Variants in MACROH2A1 observed in about 807,000 individuals in gnomAD.
The protein encoded by MACROH2A1 is core histone macro-H2A.1.
In MACROH2A1, 2 loss-of-function variants were observed where a neutral mutation model predicts 31.6. The observed-to-expected ratio is 0.06, with a 90% CI of 0.03 to 0.20. The LOEUF (loss-of-function observed/expected upper bound fraction) is 0.20, where lower values mean the gene tolerates loss of function less well. MACROH2A1 is among the 10% of genes least tolerant of loss of function. The pLI, the probability that MACROH2A1 is intolerant of heterozygous loss-of-function variation, is 1.00. For synonymous variants in MACROH2A1, 169 were observed against 189.6 expected (o/e 0.89, Z 0.89); for missense variants, 230 against 474.0 (o/e 0.49, Z 4.78).
Position 135,342,554 on chromosome 5 carries a change from G to A in MACROH2A1, c.953+706C>T, listed in dbSNP as rs112936093. On this transcript the variant is annotated intron_variant, in intron 8 of 8. Coordinates refer to ENST00000511689, the MANE Select transcript of MACROH2A1 (RefSeq NM_138610.3). ...GCTGTCGAAAAACTAGACTTCTCCT[G>A]TGGTGGTCCTCCGGGTATGTGTATG... Among the ~76,000 whole-genome samples the A allele has an allele frequency of 3.4e-3, 522 of 152,332 alleles. 3 individuals carry two copies. Among genetic ancestry groups the A allele is most frequent in the African/African-American group, 0.011 (477 of 41,568 alleles).
chr5:135,343,123 CCT>C (rs1445795786), intron 8 of MACROH2A1, 135 bp downstream of exon 8: 3 of 1,569,684 alleles, frequency 1.9e-6, no homozygotes, highest in Non-Finnish European at 2.6e-6. Context: ...TGCATTCTTC[CCT>C]GTGTTGTGCT....
At chr5:135,374,035 G>A (rs1449654022) in intron 2 of MACROH2A1, among the ~76,000 whole-genome samples, 1 of 152,134 alleles carries the variant, frequency 6.6e-6, no homozygotes, top group Non-Finnish European at 1.5e-5. Flanking sequence ...CCCCTCTCCT[G>A]TGCTGCAGCA....
chr5:135,347,332 C>T (rs1398725542), intron 6 of MACROH2A1: 1 of 152,268 alleles, frequency 6.6e-6, no homozygotes, highest in Non-Finnish European at 1.5e-5. Context: ...ATGGCTAGGA[C>T]TGGGCCTGTA....
intron 8 of MACROH2A1, chr5:135,338,156 G>A (rs537755078): frequency 2.2e-5 from 6 of 276,640 alleles, no homozygotes; most frequent in South Asian, 9.7e-5. Context: ...CAGAGGCAGC[G>A]GTGGCACATG....
chr5:135,359,073 C>T, intron 5 of MACROH2A1: 1 of 985,374 alleles, frequency 1.0e-6, no homozygotes, highest in Non-Finnish European at 1.2e-6. Context: ...TTTGCTGCTA[C>T]TTTGGAAATA....
intron 2 of MACROH2A1, among the ~76,000 whole-genome samples, chr5:135,370,480 T>C (rs1421837301): frequency 6.6e-6 from 1 of 152,234 alleles, no homozygotes; most frequent in East Asian, 1.9e-4. Flanking sequence ...CAGTTAGCAC[T>C]GCAGATGTCA....
rs577925630 is a variant in MACROH2A1, at chr5:135,359,913, C to T, written c.588+584G>A. On this transcript the variant is annotated intron_variant, in intron 5 of 8. Coordinates refer to ENST00000511689, the MANE Select transcript of MACROH2A1 (RefSeq NM_138610.3). ...TGAATTGTCTTTTACAAAACCATGGCGTCCTGGCAAAGTTGCATCACTGGG... is the reference window on the plus strand; with the variant it reads ...TGAATTGTCTTTTACAAAACCATGGTGTCCTGGCAAAGTTGCATCACTGGG... 2.3e-4 allele frequency: 230 copies of T among 985,142 alleles called. No individual in the cohort carries two copies. The Admixed American group carries it at 2.8e-3, about 12-fold the overall frequency. The allele number at this position is 985,142 out of a possible 1,614,324, so 61.0% of individuals were successfully genotyped here. A position where few individuals can be genotyped will look rare whatever the true frequency, so the allele number is the denominator to read the frequency against.
At chr5:135,384,846 G>A (rs1379277979) in intron 2 of MACROH2A1, among the ~76,000 whole-genome samples, 1 of 152,198 alleles carries the variant, frequency 6.6e-6, no homozygotes, top group Non-Finnish European at 1.5e-5. Flanking sequence ...GCATGGAGAT[G>A]TGAGTGACTT....
At chr5:135,395,676 G>T (rs780966644) in intron 1 of MACROH2A1, among the ~76,000 whole-genome samples, 7 of 152,218 alleles carry the variant, frequency 4.6e-5, no homozygotes, top group African/African-American at 7.2e-5. Context: ...CCAGAGGCAT[G>T]TGGATATACT....
intron 7 of MACROH2A1, chr5:135,343,756 A>G: frequency 2.9e-6 from 1 of 345,352 alleles, no homozygotes; most frequent in East Asian, 5.9e-5. Context: ...ACTGAACGCA[A>G]ACTCAACGTG....
At chr5:135,389,752 G>A (rs1012258110) in intron 1 of MACROH2A1, among the ~76,000 whole-genome samples, 5 of 152,138 alleles carry the variant, frequency 3.3e-5, no homozygotes, top group African/African-American at 1.2e-4. Context: ...CAGTCCAGAG[G>A]AAAACCCTCC....
intron 2 of MACROH2A1, among the ~76,000 whole-genome samples, chr5:135,388,691 A>G (rs900350255): frequency 5.9e-5 from 9 of 152,246 alleles, no homozygotes; most frequent in Admixed American, 2.0e-4. Context: ...AAATACAGAA[A>G]TATCTACACA....
intron 5 of MACROH2A1, chr5:135,358,314 G>T (rs1260315405): frequency 2.4e-5 from 24 of 985,254 alleles, no homozygotes; most frequent in Non-Finnish European, 2.9e-5. Flanking sequence ...TAACACTGGT[G>T]CTTAGGCTGA....
Position 135,399,189 on chromosome 5 carries a change from C to G in MACROH2A1, c.-161G>C, listed in dbSNP as rs1050260652. ...CTCTTCGCTTCCCGCCCGCGCGGCC[C>G]GCGCTCTCCCCCTCCGCCCGGCGCC... On this transcript the variant is annotated 5_prime_UTR_variant, in exon 1 of 9. Transcript: ENST00000511689. The surrounding 1 kb of genome is among the most constrained non-coding windows in gnomAD (Gnocchi z 4.5). The G allele has an allele frequency of 7.2e-5, 11 of 152,984 alleles. No individual in the cohort carries two copies. The highest frequency in any genetic ancestry group is 1.5e-4 in the Non-Finnish European group (10 of 68,836). 9.5% of individuals were successfully genotyped at this position (152,984 alleles called of 1,614,324 possible). A position where few individuals can be genotyped will look rare whatever the true frequency, so the allele number is the denominator to read the frequency against.
chr5:135,362,179 A>G (rs888494795), intron 4 of MACROH2A1: 1 of 152,252 alleles, frequency 6.6e-6, no homozygotes, highest in Non-Finnish European at 1.5e-5. Context: ...ACAAAACTGA[A>G]GCAATACCTA....
chr5:135,359,222 G>C, intron 5 of MACROH2A1: 2 of 985,432 alleles, frequency 2.0e-6, no homozygotes. Flanking sequence ...GGAAAAGAGG[G>C]AGAAGGTGAC....
At chr5:135,343,493 T>C (rs757960997) in intron 7 of MACROH2A1, 59 bp from the exon 8 acceptor site, 2 of 1,599,492 alleles carry the variant, frequency 1.3e-6, no homozygotes, top group South Asian at 2.2e-5. Flanking sequence ...AAGCACAAGA[T>C]GCCAAACACA....
chr5:135,346,098 C>T (rs1294712251), intron 6 of MACROH2A1, 41 bp from the exon 7 acceptor site: 3 of 1,146,068 alleles, frequency 2.6e-6, no homozygotes, highest in Non-Finnish European at 4.0e-6. Context: ...CATTCTGTGT[C>T]TCCGGCACAC....
chr5:135,372,689 C>T (rs564427764), intron 2 of MACROH2A1, among the ~76,000 whole-genome samples: 4 of 152,332 alleles, frequency 2.6e-5, no homozygotes, highest in East Asian at 3.9e-4. Context: ...GTCCTGCCCA[C>T]GGCCCAAGAG....
Sources: allele counts gnomAD v4.1 joint callset (sites outside exome capture counted in the v4.1 genomes callset), GRCh38; gene constraint gnomAD v4.1.1; non-coding constraint Gnocchi (gnomAD v3.1); transcripts MANE v1.5; gene names NCBI Gene and HGNC (gene_info 2026-07-23, HGNC 2026-07-21).